ARHGAP25: variants seen among roughly 807,000 people sequenced by gnomAD.
ARHGAP25 encodes the protein Rho GTPase activating protein 25, also known as rho GTPase-activating protein 25.
ARHGAP25 carries 34 observed loss-of-function variants against 71.0 expected under a neutral mutation model. The ratio of observed to expected loss-of-function variants is 0.48; its 90% CI spans 0.36 to 0.64. The LOEUF is 0.64. Ranked by LOEUF, ARHGAP25 falls within the 30% of genes least tolerant of loss-of-function variation. The pLI is 0.00. For synonymous variants in ARHGAP25, 282 were observed against 296.5 expected (o/e 0.95, Z 0.50); for missense variants, 706 against 805.1 (o/e 0.88, Z 1.49).
At chr2:68,718,176 A>G (rs893733555) in intron 2 of ARHGAP25, among the ~76,000 whole-genome samples, 6 of 152,132 alleles carry the variant, frequency 3.9e-5, no homozygotes, top group African/African-American at 1.4e-4. Context: ...TTCTTTGCCA[A>G]TCAAATGTGT....
intron 2 of ARHGAP25, among the ~76,000 whole-genome samples, chr2:68,715,293 G>A (rs1055680025): frequency 1.8e-4 from 27 of 152,164 alleles, no homozygotes; most frequent in African/African-American, 5.3e-4. Flanking sequence ...TGGAGGTGGC[G>A]CCCAGCAACC....
At chr2:68,744,072 T>C (rs971986953) in intron 1 of ARHGAP25, among the ~76,000 whole-genome samples, 4 of 152,246 alleles carry the variant, frequency 2.6e-5, no homozygotes, top group Non-Finnish European at 4.4e-5. Context: ...GAAACTGTCA[T>C]GCTAGCTTCC....
intron 4 of ARHGAP25, among the ~76,000 whole-genome samples, chr2:68,796,269 A>T (rs1389992781): frequency 6.6e-6 from 1 of 152,100 alleles, no homozygotes; most frequent in East Asian, 1.9e-4. Flanking sequence ...TTGATTTTAG[A>T]TTTCTCTTGC....
intron 1 of ARHGAP25, among the ~76,000 whole-genome samples, chr2:68,766,969 A>G (rs1269927552): frequency 6.6e-6 from 1 of 152,252 alleles, no homozygotes; most frequent in Non-Finnish European, 1.5e-5. Context: ...TTGTCAAACA[A>G]TAAAGGGCAT....
chr2:68,807,615 C>T lies in ARHGAP25; in HGVS notation c.674+135C>T, dbSNP rs564117231. The T allele has an allele frequency of 3.5e-5, 31 of 886,854 alleles. No individual in the cohort carries two copies. In the African/African-American group the frequency reaches 4.5e-4, roughly 13 times the overall value. The allele number at this position is 886,854 out of a possible 1,614,324, so 54.9% of individuals were successfully genotyped here. On this transcript the variant is annotated intron_variant, in intron 5 of 10. Coordinates refer to ENST00000409202, the MANE Select transcript of ARHGAP25 (RefSeq NM_001007231.3). ...GAGCCCTGGCTTACAACAGAAAGAG[C>T]CTTTGTTTCGCCCATGATTGGGAAT...
chr2:68,796,628 A>T (rs1041538402), intron 4 of ARHGAP25, among the ~76,000 whole-genome samples: 1 of 152,126 alleles, frequency 6.6e-6, no homozygotes, highest in Non-Finnish European at 1.5e-5. Context: ...AGTGGTATCT[A>T]TGGATTCCTT....
At chr2:68,727,505 T>A (rs1674913761) in intron 2 of ARHGAP25, among the ~76,000 whole-genome samples, 1 of 152,124 alleles carries the variant, frequency 6.6e-6, no homozygotes, top group Non-Finnish European at 1.5e-5. Context: ...ATCTGCTGAT[T>A]AACAGGGCAT....
At position 68,728,564 on chromosome 2, in the gene ARHGAP25, A is replaced by G. The variant is rs536008287; in HGVS notation, c.-18+17866A>G. 1.6e-4 allele frequency among the ~76,000 whole-genome samples: 25 copies of G among 152,320 alleles called. No individual in the cohort carries two copies. In the East Asian group the frequency reaches 4.2e-3, roughly 26 times the overall value. Reference sequence around the variant, plus strand: ...AAAATAATTTTTAATAAAAGCAATGATAATGCCATTTTGTCAGGGGAAGAT... The same window carrying G: ...AAAATAATTTTTAATAAAAGCAATGGTAATGCCATTTTGTCAGGGGAAGAT... On this transcript the variant is annotated intron_variant and NMD_transcript_variant, in intron 2 of 7. Coordinates refer to the ARHGAP25 transcript ENST00000463483.
intron 5 of ARHGAP25, among the ~76,000 whole-genome samples, chr2:68,812,825 T>C (rs1325405986): frequency 6.6e-6 from 1 of 152,194 alleles, no homozygotes; most frequent in Non-Finnish European, 1.5e-5. Flanking sequence ...GCTTATTGAT[T>C]GAGTGAATTA....
chr2:68,776,237 C>A (rs1234563486), intron 2 of ARHGAP25, among the ~76,000 whole-genome samples: 1 of 151,872 alleles, frequency 6.6e-6, no homozygotes, highest in African/African-American at 2.4e-5. Flanking sequence ...GTCTGAGAAG[C>A]AAGAGGGTAG....
At chr2:68,744,246 C>T (rs1046277183) in intron 1 of ARHGAP25, among the ~76,000 whole-genome samples, 2 of 152,070 alleles carry the variant, frequency 1.3e-5, no homozygotes, top group African/African-American at 4.8e-5. Context: ...ATTCTGCTTT[C>T]TGGATATATA....
At chr2:68,723,145 G>A (rs1238512785) in intron 2 of ARHGAP25, among the ~76,000 whole-genome samples, 2 of 152,216 alleles carry the variant, frequency 1.3e-5, no homozygotes, top group Non-Finnish European at 2.9e-5. Flanking sequence ...GGTCATGGGA[G>A]GCAGTGGTCA....
At chr2:68,820,318 C>T (rs1681551031) in intron 9 of ARHGAP25, among the ~76,000 whole-genome samples, 1 of 152,154 alleles carries the variant, frequency 6.6e-6, no homozygotes, top group African/African-American at 2.4e-5. Context: ...CCTCATATTA[C>T]ATAACATTGT....
In ARHGAP25 at chr2:68,787,821, G is replaced by A. The variant is rs779175651; in HGVS notation, c.350-19G>A. On this transcript the variant is annotated intron_variant, in intron 3 of 10. Transcript: ENST00000409202. ...TCTTATCACTCTAAGACCTTCACAA[G>A]TGCTAATTCTTCCTCCAGCCTCATG... 16 of 1,600,766 alleles carry A rather than the reference G, an allele frequency of 1.0e-5. 1 individual carries two copies. The South Asian group carries it at 1.8e-4, about 18-fold the overall frequency.
chr2:68,758,604 A>G (rs1164596966), intron 1 of ARHGAP25, among the ~76,000 whole-genome samples: 1 of 152,004 alleles, frequency 6.6e-6, no homozygotes, highest in East Asian at 1.9e-4. Context: ...CCATAAAAAT[A>G]TATAAAGCAA....
At chr2:68,812,015 A>G in intron 5 of ARHGAP25, among the ~76,000 whole-genome samples, 1 of 152,316 alleles carries the variant, frequency 6.6e-6, no homozygotes, top group East Asian at 1.9e-4. Context: ...ATGGTAGTGA[A>G]TCTTATTTTC....
chr2:68,820,668 T>G (rs1384107411), intron 9 of ARHGAP25, among the ~76,000 whole-genome samples: 1 of 152,184 alleles, frequency 6.6e-6, no homozygotes, highest in Non-Finnish European at 1.5e-5. Context: ...TATATGCACA[T>G]GGTTCAAGTA....
At chr2:68,792,928 G>T (rs546894467) in intron 4 of ARHGAP25, among the ~76,000 whole-genome samples, 1 of 151,954 alleles carries the variant, frequency 6.6e-6, no homozygotes, top group Non-Finnish European at 1.5e-5. Context: ...CATCTTGACC[G>T]ACATCTGTTA....
At chr2:68,748,939 G>C (rs1456143158) in intron 1 of ARHGAP25, among the ~76,000 whole-genome samples, 1 of 152,166 alleles carries the variant, frequency 6.6e-6, no homozygotes, top group Non-Finnish European at 1.5e-5. Flanking sequence ...AAGTAGCTCT[G>C]CTCAGGAATC....
Sources: allele counts gnomAD v4.1 joint callset (sites outside exome capture counted in the v4.1 genomes callset), GRCh38; gene constraint gnomAD v4.1.1; transcripts MANE v1.5; gene names NCBI Gene and HGNC (gene_info 2026-07-23, HGNC 2026-07-21).